Variants in NBEA observed in about 807,000 individuals in gnomAD.
The protein encoded by NBEA is neurobeachin, also known as lysosomal-trafficking regulator 2.
NBEA carries 44 observed loss-of-function variants against 343.4 expected under a neutral mutation model. That is an observed-to-expected ratio of 0.13 (90% confidence interval 0.10 to 0.16). NBEA has a LOEUF of 0.16. Among genes scored for constraint, NBEA ranks in the 10% least tolerant of loss-of-function variants. NBEA has a pLI of 1.00. For synonymous variants in NBEA, 1,175 were observed against 1,238.7 expected (o/e 0.95, Z 1.08); for missense variants, 2,555 against 3,631.3 (o/e 0.70, Z 7.62).
intron 51 of NBEA, among the ~76,000 whole-genome samples, chr13:35,647,150 T>C (rs2084274957): frequency 1.3e-5 from 2 of 152,224 alleles, no homozygotes; most frequent in African/African-American, 4.8e-5. Context: ...TCTTTACAGT[T>C]TATTAGCAAA....
At chr13:35,166,894 A>T (rs533957770) in intron 24 of NBEA, among the ~76,000 whole-genome samples, 1 of 152,060 alleles carries the variant, frequency 6.6e-6, no homozygotes, top group African/African-American at 2.4e-5. Flanking sequence ...TTTGGAAGGG[A>T]TAAGTGAAAA....
At chr13:35,635,868 C>A (rs527691427) in intron 49 of NBEA, among the ~76,000 whole-genome samples, 1 of 152,310 alleles carries the variant, frequency 6.6e-6, no homozygotes, top group South Asian at 2.1e-4. Flanking sequence ...CATCAATCGT[C>A]CACTAGAAAA....
chr13:35,563,870 A>G (rs2080005586), intron 44 of NBEA, among the ~76,000 whole-genome samples: 1 of 70,924 alleles, frequency 1.4e-5, no homozygotes, highest in South Asian at 5.5e-4. Flanking sequence ...TTCCTAAAAT[A>G]GCATTATTTT....
At chr13:35,507,053 T>G (rs935662386) in intron 41 of NBEA, among the ~76,000 whole-genome samples, 1 of 152,190 alleles carries the variant, frequency 6.6e-6, no homozygotes, top group African/African-American at 2.4e-5. Flanking sequence ...ACATAGGCTT[T>G]GCTTCCAACA....
chr13:35,600,410 A>G (rs1293896558), intron 47 of NBEA, among the ~76,000 whole-genome samples: 2 of 152,136 alleles, frequency 1.3e-5, no homozygotes, highest in East Asian at 1.9e-4. Flanking sequence ...AAATACTTGC[A>G]TCATCTGAAC....
chr13:35,055,321 TA>T (rs2063216128), intron 6 of NBEA, among the ~76,000 whole-genome samples: 2 of 151,704 alleles, frequency 1.3e-5, no homozygotes, highest in Non-Finnish European at 2.9e-5. Context: ...AATAGATACT[TA>T]AAATGCTTTT....
chr13:35,077,039 A>G (rs529480490), intron 10 of NBEA, among the ~76,000 whole-genome samples: 10 of 152,188 alleles, frequency 6.6e-5, no homozygotes, highest in Non-Finnish European at 1.2e-4. Flanking sequence ...TGATTGTCAC[A>G]AGTGTTTAAA....
At chr13:35,363,918 CT>C (rs1426648386) in intron 38 of NBEA, among the ~76,000 whole-genome samples, 1 of 151,908 alleles carries the variant, frequency 6.6e-6, no homozygotes, top group Non-Finnish European at 1.5e-5. Context: ...AGGAATGTTG[CT>C]GTCATCCTTC....
At chr13:35,507,135 T>C (rs1400036487) in intron 41 of NBEA, among the ~76,000 whole-genome samples, 1 of 152,184 alleles carries the variant, frequency 6.6e-6, no homozygotes, top group Non-Finnish European at 1.5e-5. Flanking sequence ...CAATCTCTAT[T>C]CTATTTACAT....
chr13:35,238,263 G>A (rs573973733), intron 34 of NBEA, among the ~76,000 whole-genome samples: 1 of 152,272 alleles, frequency 6.6e-6, no homozygotes, highest in Admixed American at 6.5e-5. Context: ...TGCGGATATA[G>A]CAGAAAGTCT....
intron 33 of NBEA, among the ~76,000 whole-genome samples, chr13:35,217,802 A>G (rs1274422329): frequency 6.6e-6 from 1 of 152,098 alleles, no homozygotes; most frequent in Non-Finnish European, 1.5e-5. Flanking sequence ...GACTATTCCC[A>G]GCACTATGCA....
chr13:34,977,096 A>G (rs965877389), intron 1 of NBEA, among the ~76,000 whole-genome samples: 4 of 151,368 alleles, frequency 2.6e-5, no homozygotes, highest in African/African-American at 9.7e-5. Context: ...GTGCACCATC[A>G]CGGCCAGCAA....
At chr13:35,550,633 A>G in intron 42 of NBEA, 39 bp downstream of exon 42, 1 of 1,246,058 alleles carries the variant, frequency 8.0e-7, no homozygotes, top group Non-Finnish European at 1.2e-6. Flanking sequence ...ATGTGCTCAT[A>G]TTTACATATT....
At chr13:35,426,003 G>C (rs934134212) in intron 38 of NBEA, among the ~76,000 whole-genome samples, 1 of 152,164 alleles carries the variant, frequency 6.6e-6, no homozygotes, top group Non-Finnish European at 1.5e-5. Flanking sequence ...TTGCTTGGTA[G>C]ATCTTTCTCC....
chr13:35,464,885 A>G (rs949614785), intron 40 of NBEA, among the ~76,000 whole-genome samples: 1 of 152,174 alleles, frequency 6.6e-6, no homozygotes, highest in African/African-American at 2.4e-5. Flanking sequence ...TGCAAAAACA[A>G]TATACTACTC....
At chr13:35,649,949 C>A in intron 52 of NBEA, 102 bp downstream of exon 52, 1 of 1,125,450 alleles carries the variant, frequency 8.9e-7, no homozygotes, top group Admixed American at 2.7e-5. Flanking sequence ...CCCACATTAT[C>A]TACAAAAAAC....
intron 39 of NBEA, among the ~76,000 whole-genome samples, chr13:35,449,470 G>C (rs150627263): frequency 4.6e-5 from 7 of 152,318 alleles, no homozygotes; most frequent in African/African-American, 1.4e-4. Flanking sequence ...AGCTCAGTAA[G>C]AGAAATGTTC....
intron 1 of NBEA, among the ~76,000 whole-genome samples, chr13:34,957,090 C>A (rs1803024188): frequency 6.6e-6 from 1 of 151,952 alleles, no homozygotes; most frequent in Admixed American, 6.6e-5. Context: ...CAAACACATA[C>A]ACACACACAT....
intron 55 of NBEA, among the ~76,000 whole-genome samples, chr13:35,663,840 G>A (rs186339944): frequency 8.4e-4 from 128 of 152,268 alleles, no homozygotes; most frequent in African/African-American, 3.0e-3. Flanking sequence ...GAAGAAGATG[G>A]CAAACTAGCA....
Sources: gnomAD v4.1 joint callset for allele counts (sites outside exome capture counted in the v4.1 genomes callset) on GRCh38, gnomAD v4.1.1 for gene constraint, MANE v1.5 for transcripts, NCBI Gene and HGNC (gene_info 2026-07-23, HGNC 2026-07-21) for gene names.